PTPRD: variants seen among roughly 807,000 people sequenced by gnomAD.
PTPRD encodes the protein receptor-type tyrosine-protein phosphatase delta.
A neutral mutation model predicts 214.5 loss-of-function variants in PTPRD; 34 were observed. That is an observed-to-expected ratio of 0.16 (90% CI 0.12 to 0.21). The LOEUF (loss-of-function observed/expected upper bound fraction) is 0.21. Ranked by LOEUF, PTPRD falls within the 10% of genes least tolerant of loss-of-function variation. PTPRD has a pLI of 1.00. For synonymous variants in PTPRD, 1,128 were observed against 845.7 expected (o/e 1.33, Z -5.79); for missense variants, 2,545 against 2,398.7 (o/e 1.06, Z -1.27).
chr9:8,759,915 A>G (rs1267267100), intron 11 of PTPRD, among the ~76,000 whole-genome samples: 1 of 152,138 alleles, frequency 6.6e-6, no homozygotes, highest in African/African-American at 2.4e-5. Flanking sequence ...CTATCCTCTA[A>G]CTGACAGGAC....
intron 2 of PTPRD, among the ~76,000 whole-genome samples, chr9:10,563,420 A>G (rs1341881235): frequency 1.3e-5 from 2 of 152,182 alleles, no homozygotes; most frequent in Non-Finnish European, 2.9e-5. Flanking sequence ...ACAGGCACAG[A>G]TGTGTACCCC....
intron 10 of PTPRD, among the ~76,000 whole-genome samples, chr9:9,085,668 T>A (rs2099766074): frequency 6.6e-6 from 1 of 152,118 alleles, no homozygotes; most frequent in Non-Finnish European, 1.5e-5. Flanking sequence ...TTTTTGACAT[T>A]TGGCCTTCAG....
chr9:9,367,560 T>C (rs928595028), intron 9 of PTPRD, among the ~76,000 whole-genome samples: 2 of 151,532 alleles, frequency 1.3e-5, no homozygotes, highest in African/African-American at 2.4e-5. Flanking sequence ...TCAACTGAAG[T>C]CTAATTTTTG....
At chr9:10,421,287 T>A (rs1324147538) in intron 2 of PTPRD, among the ~76,000 whole-genome samples, 1 of 151,830 alleles carries the variant, frequency 6.6e-6, no homozygotes, top group Non-Finnish European at 1.5e-5. Flanking sequence ...TATTTTCTTC[T>A]CTTTTTCTTG....
chr9:8,825,016 G>A (rs1274505453), intron 11 of PTPRD, among the ~76,000 whole-genome samples: 1 of 152,066 alleles, frequency 6.6e-6, no homozygotes, highest in Non-Finnish European at 1.5e-5. Context: ...TTTAAAAATT[G>A]GCTTTGATGG....
chr9:9,827,355 T>C (rs2053271762), intron 5 of PTPRD, among the ~76,000 whole-genome samples: 1 of 152,024 alleles, frequency 6.6e-6, no homozygotes, highest in African/African-American at 2.4e-5. Flanking sequence ...TAATGCCGCA[T>C]ATCTACAGCT....
At chr9:10,087,291 C>G (rs150100224) in intron 3 of PTPRD, among the ~76,000 whole-genome samples, 362 of 151,786 alleles carry the variant, frequency 2.4e-3, no homozygotes, top group African/African-American at 8.1e-3. Flanking sequence ...TGGAAATGCT[C>G]ATCTTCACTT....
chr9:8,808,453 GCCC>G (rs916508591), intron 11 of PTPRD, among the ~76,000 whole-genome samples: 11 of 127,754 alleles, frequency 8.6e-5, no homozygotes, highest in African/African-American at 3.2e-4. Flanking sequence ...AATTTTAAAA[GCCC>G]CCCACCTTTT....
At chr9:9,955,468 G>A (rs1244175893) in intron 4 of PTPRD, among the ~76,000 whole-genome samples, 1 of 151,382 alleles carries the variant, frequency 6.6e-6, no homozygotes. Flanking sequence ...CTTTACATTG[G>A]CCACAACATT....
At chr9:9,581,619 A>C (rs1563841946) in intron 7 of PTPRD, among the ~76,000 whole-genome samples, 1 of 152,060 alleles carries the variant, frequency 6.6e-6, no homozygotes, top group Admixed American at 6.6e-5. Context: ...AGAAATAATA[A>C]CTGGATAGAC....
intron 8 of PTPRD, among the ~76,000 whole-genome samples, chr9:9,560,238 A>G (rs1386975214): frequency 6.6e-6 from 1 of 152,030 alleles, no homozygotes; most frequent in Non-Finnish European, 1.5e-5. Context: ...GAGGAAGTAC[A>G]CTCCACCACA....
chr9:8,543,257 G>A (rs1324811250), intron 14 of PTPRD, among the ~76,000 whole-genome samples: 2 of 152,044 alleles, frequency 1.3e-5, no homozygotes, highest in Non-Finnish European at 2.9e-5. Flanking sequence ...TATAAATTTG[G>A]GAAACATACA....
At chr9:10,253,273 C>T (rs889147464) in intron 3 of PTPRD, among the ~76,000 whole-genome samples, 1 of 152,152 alleles carries the variant, frequency 6.6e-6, no homozygotes, top group Non-Finnish European at 1.5e-5. Flanking sequence ...TGGGTCTTCA[C>T]AGAATGGAAT....
At chr9:9,088,249 C>G (rs959564884) in intron 10 of PTPRD, among the ~76,000 whole-genome samples, 1 of 150,342 alleles carries the variant, frequency 6.7e-6, no homozygotes, top group African/African-American at 2.4e-5. Context: ...GAAAGTTCTT[C>G]TAAATTTTAA....
chr9:8,467,692 T>C (rs1026816491), intron 31 of PTPRD, among the ~76,000 whole-genome samples: 1 of 151,980 alleles, frequency 6.6e-6, no homozygotes, highest in Non-Finnish European at 1.5e-5. Context: ...TCTAACTCTG[T>C]GTATTTATAC....
intron 11 of PTPRD, among the ~76,000 whole-genome samples, chr9:8,899,440 C>A (rs887794650): frequency 6.6e-6 from 1 of 152,118 alleles, no homozygotes; most frequent in Non-Finnish European, 1.5e-5. Context: ...AACTAGAGAT[C>A]GGCATATCTC....
intron 9 of PTPRD, among the ~76,000 whole-genome samples, chr9:9,370,081 C>G (rs1041613926): frequency 6.6e-6 from 1 of 152,066 alleles, no homozygotes; most frequent in African/African-American, 2.4e-5. Context: ...TTAGGATTGA[C>G]TTGGCGATGC....
chr9:8,362,258 T>C (rs913335236), intron 39 of PTPRD, among the ~76,000 whole-genome samples: 8 of 152,222 alleles, frequency 5.3e-5, no homozygotes, highest in Admixed American at 5.2e-4. Context: ...CCTTACTAAA[T>C]TCTGGAAGAG....
chr9:8,714,503 G>A (rs1297003586), intron 12 of PTPRD, among the ~76,000 whole-genome samples: 2 of 152,110 alleles, frequency 1.3e-5, no homozygotes, highest in Non-Finnish European at 2.9e-5. Context: ...ATAGCTTGGT[G>A]CGCAGTAGAA....
Sources: allele counts gnomAD v4.1 joint callset (sites outside exome capture counted in the v4.1 genomes callset), GRCh38; gene constraint gnomAD v4.1.1; transcripts MANE v1.5; gene names NCBI Gene and HGNC (gene_info 2026-07-23, HGNC 2026-07-21).